The following TATDN3 variants were observed in gnomAD, a reference collection of about 807,000 sequenced individuals.
TATDN3 encodes deoxyribonuclease TATDN3.
Under a neutral mutation model 40.1 loss-of-function variants are expected in TATDN3, and 29 were observed. That is an observed-to-expected ratio of 0.72 (90% CI 0.54 to 0.99). TATDN3 has a LOEUF of 0.99. Among genes scored for constraint, TATDN3 ranks in the 50% least tolerant of loss-of-function variants. The pLI is 0.00. For synonymous variants in TATDN3, 105 were observed against 117.0 expected, an observed-to-expected ratio of 0.90 and a Z score of 0.66; for missense variants, 309 against 321.9, an observed-to-expected ratio of 0.96 and a Z score of 0.31.
At chr1:212,807,403 C>G (rs980854578) in intron 7 of TATDN3, among the ~76,000 whole-genome samples, 1 of 151,940 alleles carries the variant, frequency 6.6e-6, no homozygotes, top group Non-Finnish European at 1.5e-5. Flanking sequence ...CAGGCCTGCA[C>G]CACCATGCCC....
At chr1:212,813,873 G>C (rs1336907813) in intron 9 of TATDN3, among the ~76,000 whole-genome samples, 1 of 151,992 alleles carries the variant, frequency 6.6e-6, no homozygotes, top group African/African-American at 2.4e-5. Context: ...ACCACGCCCG[G>C]CTGATTTTTG....
chr1:212,794,815 G>A (rs1661626303), intron 1 of TATDN3: 2 of 569,610 alleles, frequency 3.5e-6, no homozygotes, highest in Non-Finnish European at 3.3e-6. Flanking sequence ...GCAAGTGAGG[G>A]ATTCCGAATG....
intron 6 of TATDN3, 46 bp from the exon 7 acceptor site, chr1:212,804,550 T>C: frequency 6.3e-7 from 1 of 1,592,704 alleles, no homozygotes; most frequent in Non-Finnish European, 8.6e-7. Context: ...TCAAAAACAA[T>C]ACTTTCAGAA....
rs71495077 is a variant in TATDN3, at chr1:212,806,747, CATATATATATATATAT to C, written c.488-967_488-952del. ...TTTATTCTCTCTCTCTCTCTCTCTC[CATATATATATATATAT>C]ATATATATATATATATATATACACA... On this transcript the variant is annotated intron_variant, in intron 7 of 9. Coordinates refer to ENST00000366974, the MANE Select transcript of TATDN3 (RefSeq NM_001042552.3). 1.1e-3 allele frequency among the ~76,000 whole-genome samples: 49 copies of C among 43,976 alleles called. 5 individuals are homozygous for C. The highest frequency in any genetic ancestry group is 2.0e-3 in the African/African-American group (27 of 13,236). 28.8% of individuals were successfully genotyped at this position (43,976 alleles called of 152,430 possible).
At chr1:212,797,091 C>T (rs753504366) in intron 3 of TATDN3, 21 bp from the exon 4 acceptor site, 15 of 1,592,342 alleles carry the variant, frequency 9.4e-6, no homozygotes, top group Middle Eastern at 1.7e-4. Flanking sequence ...CCTGCTTTCT[C>T]AGTTGGTTCT....
In TATDN3 at chr1:212,816,359, GT is replaced by G. The variant is rs1663184213; in HGVS notation, c.*1204del. 1 of 152,110 alleles carries G rather than the reference GT, an allele frequency of 6.6e-6. No homozygotes were observed. Among genetic ancestry groups the G allele is most frequent in the Non-Finnish European group, 1.5e-5 (1 of 68,022 alleles). 9.4% of individuals were successfully genotyped at this position (152,110 alleles called of 1,614,324 possible). On this transcript the variant is annotated 3_prime_UTR_variant, in exon 10 of 10. Coordinates refer to ENST00000366974, the MANE Select transcript of TATDN3 (RefSeq NM_001042552.3). ...ATCTCAAAAAAATTAAAAATCTCAA[GT>G]GTAAAAACAGTTCTGTAGATAGATG...
At chr1:212,813,255 C>T (rs1256496145) in intron 9 of TATDN3, among the ~76,000 whole-genome samples, 1 of 152,076 alleles carries the variant, frequency 6.6e-6, no homozygotes, top group Non-Finnish European at 1.5e-5. Flanking sequence ...TTAAATTTCA[C>T]TCTCTTTCAT....
In TATDN3 at chr1:212,791,943, T is replaced by C; in HGVS notation, c.22T>C (p.Leu8=). The C allele has an allele frequency of 6.2e-7, 1 of 1,613,666 alleles. No homozygotes were observed. The highest frequency in any genetic ancestry group is 1.1e-5 in the South Asian group (1 of 91,062). The part of the protein sequence containing the change: MRAAGVG[L]VDCHCHLSAP... Reference sequence around the variant, plus strand: ...CGCAATGCGAGCGGCTGGCGTAGGCTTGGTGGACTGTCACTGCCACCTCTC... The same window carrying C: ...CGCAATGCGAGCGGCTGGCGTAGGCCTGGTGGACTGTCACTGCCACCTCTC... Residue 8 remains leucine (L), a synonymous_variant, in exon 1 of 10, where the codon TTG becomes CTG. Transcript: ENST00000366974.
At chr1:212,795,246 T>C in intron 2 of TATDN3, 119 bp downstream of exon 2, 1 of 417,334 alleles carries the variant, frequency 2.4e-6, no homozygotes, top group Non-Finnish European at 4.2e-6. Context: ...GTAAGTAGCA[T>C]TTTTTATTTT....
chr1:212,809,278 T>C (rs1002586883), intron 8 of TATDN3, among the ~76,000 whole-genome samples: 3 of 152,232 alleles, frequency 2.0e-5, no homozygotes, highest in Admixed American at 1.3e-4. Flanking sequence ...GATGAAAATA[T>C]TCCAGAACTA....
intron 4 of TATDN3, among the ~76,000 whole-genome samples, chr1:212,801,056 G>A (rs945340225): frequency 1.3e-5 from 2 of 151,842 alleles, no homozygotes; most frequent in Admixed American, 6.6e-5. Flanking sequence ...CAGGCATGGT[G>A]GCATGTGCCT....
At chr1:212,814,587 C>A (rs936365480) in intron 9 of TATDN3, among the ~76,000 whole-genome samples, 8 of 152,204 alleles carry the variant, frequency 5.3e-5, no homozygotes, top group African/African-American at 1.9e-4. Flanking sequence ...AGTACATAAT[C>A]TATTTCATCT....
At chr1:212,792,091 G>T in intron 1 of TATDN3, 104 bp downstream of exon 1, 1 of 1,155,084 alleles carries the variant, frequency 8.7e-7, no homozygotes, top group South Asian at 1.4e-5. Flanking sequence ...CATATCCCCC[G>T]CCCAGACCCT....
At chr1:212,794,833 G>T in intron 1 of TATDN3, 1 of 599,110 alleles carries the variant, frequency 1.7e-6, no homozygotes, top group Non-Finnish European at 3.1e-6. Flanking sequence ...ATGCTGCTGA[G>T]GAGTAGAGTA....
At position 212,795,171 on chromosome 1, in the gene TATDN3, C is replaced by T. The variant is rs748522839; in HGVS notation, c.99+44C>T. The T allele has an allele frequency of 5.2e-6, 8 of 1,537,624 alleles. 1 individual carries two copies. The South Asian group carries it at 9.0e-5, about 17-fold the overall frequency. On this transcript the variant is annotated intron_variant, in intron 2 of 9. Coordinates refer to ENST00000366974, the MANE Select transcript of TATDN3 (RefSeq NM_001042552.3). ...TTGCTCTTTTGGTTTTTTATTTTAACTATCATTTCAAGCCAAAACAGCTTG... is the reference window on the plus strand; with the variant it reads ...TTGCTCTTTTGGTTTTTTATTTTAATTATCATTTCAAGCCAAAACAGCTTG...
chr1:212,794,832 A>C, intron 1 of TATDN3: 1 of 598,002 alleles, frequency 1.7e-6, no homozygotes, highest in Non-Finnish European at 3.1e-6. Context: ...AATGCTGCTG[A>C]GGAGTAGAGT....
chr1:212,796,960 T>C, intron 3 of TATDN3, 152 bp from the exon 4 acceptor site: 1 of 586,564 alleles, frequency 1.7e-6, no homozygotes, highest in Non-Finnish European at 3.0e-6. Context: ...GGTCTCAAAC[T>C]CCTGGCCTTA....
chr1:212,809,805 C>T (rs796401547), intron 8 of TATDN3, among the ~76,000 whole-genome samples: 4 of 152,162 alleles, frequency 2.6e-5, no homozygotes, highest in Non-Finnish European at 4.4e-5. Context: ...AGGCAGTTCA[C>T]CTGAGGTTAG....
intron 7 of TATDN3, 43 bp downstream of exon 7, chr1:212,804,694 G>T: frequency 6.5e-7 from 1 of 1,539,446 alleles, no homozygotes; most frequent in South Asian, 1.2e-5. Flanking sequence ...GTTCAAGTTT[G>T]ACAATTCCAG....
Sources: allele counts gnomAD v4.1 joint callset (sites outside exome capture counted in the v4.1 genomes callset), GRCh38; gene constraint gnomAD v4.1.1; transcripts MANE v1.5; gene names NCBI Gene and HGNC (gene_info 2026-07-23, HGNC 2026-07-21).